LRBA: variants seen among roughly 807,000 people sequenced by gnomAD.
The protein encoded by LRBA is lipopolysaccharide-responsive and beige-like anchor protein.
LRBA carries 176 observed loss-of-function variants against 330.0 expected under a neutral mutation model. The observed-to-expected ratio is 0.53, with a 90% CI of 0.47 to 0.60. LRBA has a LOEUF of 0.60. LRBA is among the 20% of genes least tolerant of loss of function. The pLI, the probability that LRBA is intolerant of heterozygous loss-of-function variation, is 0.00. For synonymous variants in LRBA, 1,230 were observed against 1,193.0 expected, an observed-to-expected ratio of 1.03 and a Z score of -0.64; for missense variants, 3,259 against 3,444.8, an observed-to-expected ratio of 0.95 and a Z score of 1.35.
rs77800503 is a variant in LRBA, at chr4:150,848,755, T to C, written c.4339+63A>G. 3.2e-3 allele frequency: 3,969 copies of C among 1,230,398 alleles called. 67 individuals carry two copies. In the African/African-American group the frequency reaches 0.042, roughly 13 times the overall value. The allele number at this position is 1,230,398 out of a possible 1,614,324, so 76.2% of individuals were successfully genotyped here. A position where few individuals can be genotyped will look rare whatever the true frequency, so the allele number is the denominator to read the frequency against. On this transcript the variant is annotated intron_variant, in intron 26 of 56. Coordinates refer to ENST00000651943, the MANE Select transcript of LRBA (RefSeq NM_001364905.1). The stretch of plus-strand genomic sequence containing the variant: ...CCAACAGAAGACGGATAATTTTCAA[T>C]GTCATCTCTGAATTACTGAAAAATT...
intron 35 of LRBA, among the ~76,000 whole-genome samples, chr4:150,758,148 G>T (rs956781345): frequency 6.6e-6 from 1 of 152,208 alleles, no homozygotes; most frequent in African/African-American, 2.4e-5. Flanking sequence ...ATGCAGTAAA[G>T]TGTGTTACAA....
At position 150,852,704 on chromosome 4, in the gene LRBA, T is replaced by G; in HGVS notation, c.3006A>C (p.Glu1002Asp). 1 of 1,614,046 alleles carries G rather than the reference T, an allele frequency of 6.2e-7. No homozygotes were observed. The highest frequency in any genetic ancestry group is 1.6e-4 in the Middle Eastern group (1 of 6,062). ...NSSIEKTSSL[E>D]SASNIELQTT... ...TTTGCAGTTCAATATTAGATGCAGA[T>G]TCTAGTGAACTTGTCTTCTCTATAC... The change falls in exon 23 of 57, where the codon GAA (glutamate) becomes GAC (aspartate). Residue 1002 changes from glutamate (E) to aspartate (D), a missense_variant. By Grantham distance (45) the Glu-to-Asp change is conservative (BLOSUM62 2). Coordinates refer to ENST00000651943, the MANE Select transcript of LRBA (RefSeq NM_001364905.1).
At chr4:150,667,705 C>T (rs1781691773) in intron 37 of LRBA, among the ~76,000 whole-genome samples, 1 of 152,160 alleles carries the variant, frequency 6.6e-6, no homozygotes, top group Non-Finnish European at 1.5e-5. Flanking sequence ...CTCTAGCTCT[C>T]CTTCCACCAT....
In LRBA at chr4:150,915,601, T is replaced by C; in HGVS notation, c.1014+7A>G. 1 of 1,596,990 alleles carries C rather than the reference T, an allele frequency of 6.3e-7. No homozygotes were observed. The highest frequency in any genetic ancestry group is 1.8e-5 in the Admixed American group (1 of 55,280). ...TTTTTTCATTGCAACATTTTGAAAC[T>C]ACTTACATCGCTAGTGTTGACAAAC... On this transcript the variant is annotated splice_region_variant and intron_variant, in intron 8 of 56. Transcript: ENST00000651943.
At chr4:150,937,563 C>G (rs1735209607) in intron 2 of LRBA, among the ~76,000 whole-genome samples, 2 of 151,876 alleles carry the variant, frequency 1.3e-5, no homozygotes. Context: ...TAGTCTTTTT[C>G]TACATTTTAG....
At chr4:150,909,674 T>C (rs1254469788) in intron 9 of LRBA, among the ~76,000 whole-genome samples, 1 of 152,186 alleles carries the variant, frequency 6.6e-6, no homozygotes, top group Admixed American at 6.5e-5. Flanking sequence ...TTTGTATATA[T>C]CCCATAAGTG....
chr4:150,632,057 C>T (rs1777434796), intron 37 of LRBA, among the ~76,000 whole-genome samples: 1 of 151,988 alleles, frequency 6.6e-6, no homozygotes, highest in Admixed American at 6.6e-5. Context: ...ATGTTGAAAC[C>T]CCTTCTCTAC....
rs150844312 is a variant in LRBA, at chr4:150,776,012, G to A, written c.5581-14165C>T. Among the ~76,000 whole-genome samples, 16 of 152,164 alleles carry A rather than the reference G, an allele frequency of 1.1e-4. No individual in the cohort carries two copies. The East Asian group carries it at 1.7e-3, about 16-fold the overall frequency. ...TCTGGCATAAATACATGATAATAACGTAAATACTAAGTATGGTTTTAACAA... is the reference window on the plus strand; with the variant it reads ...TCTGGCATAAATACATGATAATAACATAAATACTAAGTATGGTTTTAACAA... On this transcript the variant is annotated intron_variant, in intron 34 of 56. Transcript: ENST00000651943.
chr4:150,985,766 GGGA>G (rs1360958330), intron 2 of LRBA, among the ~76,000 whole-genome samples: 1 of 152,026 alleles, frequency 6.6e-6, no homozygotes, highest in African/African-American at 2.4e-5. Context: ...CCAAAGTGCT[GGGA>G]TTACAGGCGT....
At chr4:150,718,269 A>C (rs532288645) in intron 36 of LRBA, among the ~76,000 whole-genome samples, 2 of 152,184 alleles carry the variant, frequency 1.3e-5, no homozygotes, top group Non-Finnish European at 2.9e-5. Flanking sequence ...GCAGATCTAC[A>C]CTGTCATCAA....
intron 37 of LRBA, among the ~76,000 whole-genome samples, chr4:150,652,859 C>T (rs1442175903): frequency 6.6e-6 from 1 of 152,080 alleles, no homozygotes; most frequent in African/African-American, 2.4e-5. Context: ...CTGCTTGTTT[C>T]CTTTTTGGTG....
chr4:150,354,051 G>A (rs888302516), intron 47 of LRBA, among the ~76,000 whole-genome samples: 9 of 151,988 alleles, frequency 5.9e-5, no homozygotes, highest in African/African-American at 2.2e-4. Flanking sequence ...ACCAAAAGTA[G>A]GTAATGCACT....
intron 38 of LRBA, among the ~76,000 whole-genome samples, chr4:150,594,415 A>C (rs1275928614): frequency 1.3e-5 from 2 of 152,064 alleles, no homozygotes; most frequent in Non-Finnish European, 2.9e-5. Context: ...CATTTGCCTT[A>C]TTCTCAATCA....
intron 42 of LRBA, among the ~76,000 whole-genome samples, chr4:150,481,282 A>G (rs1757267491): frequency 6.6e-6 from 1 of 152,086 alleles, no homozygotes; most frequent in Admixed American, 6.6e-5. Flanking sequence ...TAGTGTGAAC[A>G]GTCCTGCAAT....
At chr4:150,961,768 T>C (rs1738174050) in intron 2 of LRBA, among the ~76,000 whole-genome samples, 1 of 149,344 alleles carries the variant, frequency 6.7e-6, no homozygotes, top group Non-Finnish European at 1.5e-5. Flanking sequence ...TAGATGAATG[T>C]CTGCTAGATG....
intron 31 of LRBA, among the ~76,000 whole-genome samples, chr4:150,811,500 G>T (rs1360312670): frequency 6.6e-6 from 1 of 151,592 alleles, no homozygotes; most frequent in East Asian, 1.9e-4. Flanking sequence ...GGTTTATTGG[G>T]TTTTTTGTTT....
chr4:150,377,914 T>G (rs977788046), intron 47 of LRBA, among the ~76,000 whole-genome samples: 2 of 147,440 alleles, frequency 1.4e-5, no homozygotes, highest in Admixed American at 1.4e-4. Flanking sequence ...GAGGTTGCAG[T>G]GAGCGGAGAT....
chr4:150,811,734 G>T (rs538542818), intron 31 of LRBA, among the ~76,000 whole-genome samples: 9 of 152,146 alleles, frequency 5.9e-5, no homozygotes, highest in African/African-American at 2.2e-4. Context: ...TGAACTCCTG[G>T]CTTCAGGTGA....
At chr4:150,972,793 A>G (rs1739725908) in intron 2 of LRBA, among the ~76,000 whole-genome samples, 1 of 152,226 alleles carries the variant, frequency 6.6e-6, no homozygotes, top group Non-Finnish European at 1.5e-5. Context: ...ATACTAAACA[A>G]AGCAGTTATT....
Sources: allele counts gnomAD v4.1 joint callset (sites outside exome capture counted in the v4.1 genomes callset), GRCh38; gene constraint gnomAD v4.1.1; transcripts MANE v1.5; gene names NCBI Gene and HGNC (gene_info 2026-07-23, HGNC 2026-07-21).